PSMD6: variants seen among roughly 807,000 people sequenced by gnomAD.
The protein encoded by PSMD6 is 26S proteasome non-ATPase regulatory subunit 6.
A neutral mutation model predicts 44.9 loss-of-function variants in PSMD6; 7 were observed. The observed-to-expected ratio is 0.16, with a 90% CI of 0.09 to 0.29. The LOEUF is 0.29. Among genes scored for constraint, PSMD6 ranks in the 10% least tolerant of loss-of-function variants. The pLI is 1.00. For missense variants in PSMD6, 420 were observed against 482.6 expected, an observed-to-expected ratio of 0.87 and a Z score of 1.21; for synonymous variants, 184 against 172.7, an observed-to-expected ratio of 1.07 and a Z score of -0.51.
At position 64,022,417 on chromosome 3, in the gene PSMD6, C is replaced by G. The variant is rs756191966; in HGVS notation, c.252G>C (p.Leu84Phe). 18 of 1,614,108 alleles carry G rather than the reference C, an allele frequency of 1.1e-5. No homozygotes were observed. Among genetic ancestry groups the G allele is most frequent in the Admixed American group, 1.7e-5 (1 of 60,014 alleles). Residue 84 changes from leucine to phenylalanine, a missense_variant, in exon 2 of 8, where the codon TTG (leucine) becomes TTC (phenylalanine). Around this residue, in one of 4 missense-constraint regions of PSMD6, gnomAD observed 136 missense variants for 124.2 expected, o/e 1.09. Coordinates refer to ENST00000295901, the MANE Select transcript of PSMD6 (RefSeq NM_014814.3). ...KKANEDELKRLDEELEDAEKN... is the reference protein window; with the variant it reads ...KKANEDELKRFDEELEDAEKN... ...TCTCTGCATCTTCCAGCTCCTCATC[C>G]AAACGCTTCAACTCATCTTCATTTG...
intron 6 of PSMD6, chr3:64,012,384 A>C (rs2075972108): frequency 1.3e-5 from 2 of 151,796 alleles, no homozygotes; most frequent in Admixed American, 1.3e-4. Context: ...ACCCAACTCT[A>C]CTCTCACCAC....
At chr3:64,021,556 C>G (rs1158257316) in intron 2 of PSMD6, among the ~76,000 whole-genome samples, 1 of 152,154 alleles carries the variant, frequency 6.6e-6, no homozygotes, top group Non-Finnish European at 1.5e-5. Context: ...CGCCTATAAT[C>G]CCAGCACTTT....
rs1576041268 is a variant in PSMD6, at chr3:64,023,390, A to T, written c.30T>A (p.Gly10=). The change falls in exon 1 of 8, where the codon GGT becomes GGA. Residue 10 remains glycine (G), a synonymous_variant. Transcript: ENST00000295901. ...TACGCAAGTCGGGGTTCTTGGGCAG[A>T]CCCTCCTCCTCCAGGTTCTCCAGCG... MPLENLEEE[G]LPKNPDLRIA... 1 of 1,608,510 alleles carries T rather than the reference A, an allele frequency of 6.2e-7. No homozygotes were observed. Among genetic ancestry groups the T allele is most frequent in the East Asian group, 2.3e-5 (1 of 44,350 alleles).
rs536368069 is a variant in PSMD6, at chr3:64,013,381, C to G, written c.995+58G>C. On this transcript the variant is annotated intron_variant, in intron 6 of 7. Coordinates refer to ENST00000295901, the MANE Select transcript of PSMD6 (RefSeq NM_014814.3). ...AAACAAGTAAAAAATTGTACAAGTT[C>G]ACATATTTTAAAAGGCAACTTTAAA... 82 of 1,436,708 alleles carry G rather than the reference C, an allele frequency of 5.7e-5. No individual in the cohort carries two copies. The African/African-American group carries it at 1.1e-3, about 20-fold the overall frequency. The allele number at this position is 1,436,708 out of a possible 1,614,324, so 89.0% of individuals were successfully genotyped here. A position where few individuals can be genotyped will look rare whatever the true frequency, so the allele number is the denominator to read the frequency against.
At chr3:64,023,247 G>A (rs1371189648) in intron 1 of PSMD6, 28 bp downstream of exon 1, 17 of 1,543,314 alleles carry the variant, frequency 1.1e-5, no homozygotes, top group Non-Finnish European at 1.4e-5. Context: ...GGCCTAGGCC[G>A]CTGACTCGGC....
At position 64,018,707 on chromosome 3, in the gene PSMD6, C is replaced by T; in HGVS notation, c.718G>A (p.Val240Ile). The T allele has an allele frequency of 1.9e-6, 3 of 1,575,362 alleles. No individual in the cohort carries two copies. The highest frequency in any genetic ancestry group is 2.6e-6 in the Non-Finnish European group (3 of 1,151,270). ...ALERPDLREK[V>I]IKGAEILEVL... ...TCAAGAATCTCTGCTCCTTTAATGA[C>T]CTAGGTATTTTAAAAAACATATATA... The change falls in exon 5 of 8, where the codon GTC becomes ATC. Residue 240 changes from valine (V) to isoleucine (I), a missense_variant and splice_region_variant. Physicochemically the swap from Val to Ile is conservative, Grantham distance 29. This residue lies in a region of PSMD6 where 216 missense variants were observed against 227.0 expected (regional missense o/e 0.95). Coordinates refer to ENST00000295901, the MANE Select transcript of PSMD6 (RefSeq NM_014814.3).
chr3:64,015,054 C>G (rs537440308), intron 5 of PSMD6: 4 of 152,276 alleles, frequency 2.6e-5, no homozygotes, highest in Admixed American at 2.6e-4. Flanking sequence ...AGCAAGGGAA[C>G]ACATGATTTA....
rs2106880292 is a variant in PSMD6, at chr3:64,023,422, C to A, written c.-3G>T. ...TCCTCCAGGTTCTCCAGCGGCATCG[C>A]GGCGAAGGGGACAGCGGCTGACAGG... On this transcript the variant is annotated 5_prime_UTR_variant, in exon 1 of 8. Transcript: ENST00000295901. 5 of 1,595,852 alleles carry A rather than the reference C, an allele frequency of 3.1e-6. No homozygotes were observed. Among genetic ancestry groups the A allele is most frequent in the Non-Finnish European group, 4.3e-6 (5 of 1,168,420 alleles).
chr3:64,015,279 GAC>G (rs1186816724), intron 5 of PSMD6: 4 of 152,198 alleles, frequency 2.6e-5, no homozygotes, highest in African/African-American at 9.7e-5. Context: ...CAGTGGTCAA[GAC>G]ACAATATATT....
intron 2 of PSMD6, among the ~76,000 whole-genome samples, chr3:64,021,534 T>C (rs2106873724): frequency 6.6e-6 from 1 of 152,310 alleles, no homozygotes; most frequent in East Asian, 1.9e-4. Flanking sequence ...TATGACCGGG[T>C]GCACTGGCTC....
intron 6 of PSMD6, 190 bp downstream of exon 6, chr3:64,013,249 G>C (rs2075990473): frequency 8.0e-6 from 4 of 499,202 alleles, no homozygotes; most frequent in Non-Finnish European, 1.4e-5. Flanking sequence ...GTTAATGCAA[G>C]GGGCAGACAT....
At chr3:64,017,531 A>G (rs1199124153) in intron 5 of PSMD6, 1 of 152,258 alleles carries the variant, frequency 6.6e-6, no homozygotes, top group African/African-American at 2.4e-5. Flanking sequence ...CAAGCATAAA[A>G]AAGGGAAAAG....
At chr3:64,022,950 G>A in intron 1 of PSMD6, 1 of 1,433,954 alleles carries the variant, frequency 7.0e-7, no homozygotes, top group Non-Finnish European at 9.2e-7. Flanking sequence ...CCCCGCGCCC[G>A]GGAGCAGTCC....
At chr3:64,020,479 G>C (rs1354069929) in intron 2 of PSMD6, among the ~76,000 whole-genome samples, 2 of 152,128 alleles carry the variant, frequency 1.3e-5, no homozygotes, top group Non-Finnish European at 2.9e-5. Context: ...TGAATCAAAA[G>C]TTTCAAGTTT....
At chr3:64,015,082 G>A (rs1400781808) in intron 5 of PSMD6, 1 of 152,134 alleles carries the variant, frequency 6.6e-6, no homozygotes, top group Non-Finnish European at 1.5e-5. Flanking sequence ...GGAGATCAAT[G>A]GCCACTAACC....
At chr3:64,022,716 C>G (rs1192076337) in intron 1 of PSMD6, 193 bp from the exon 2 acceptor site, 1 of 1,536,638 alleles carries the variant, frequency 6.5e-7, no homozygotes, top group East Asian at 2.4e-5. Flanking sequence ...GTTTGCGTGA[C>G]GGCCAATCCT....
intron 5 of PSMD6, chr3:64,015,547 C>T (rs1444370209): frequency 6.6e-6 from 1 of 152,154 alleles, no homozygotes. Flanking sequence ...TGTTAGTACA[C>T]GATAGCCACT....
At position 64,023,269 on chromosome 3, in the gene PSMD6, C is replaced by A. The variant is rs970417030; in HGVS notation, c.145+6G>T. Reference sequence around the variant, plus strand: ...GCCGCTGACTCGGCGCTCGTGCGGGCCTCACTGTTATCGCGGACGGCCGCC... The same window carrying A: ...GCCGCTGACTCGGCGCTCGTGCGGGACTCACTGTTATCGCGGACGGCCGCC... On this transcript the variant is annotated splice_donor_region_variant and intron_variant, in intron 1 of 7. Transcript: ENST00000295901. 3 of 1,559,052 alleles carry A rather than the reference C, an allele frequency of 1.9e-6. No individual in the cohort carries two copies. The African/African-American group carries it at 4.1e-5, about 21-fold the overall frequency.
At chr3:64,023,974 C>A, upstream of PSMD6, 1 of 574,184 alleles carries the variant, frequency 1.7e-6, no homozygotes, top group South Asian at 3.3e-5. Context: ...AAATGAAAAC[C>A]CCTATCTAGA....
Sources: gnomAD v4.1 joint callset for allele counts (sites outside exome capture counted in the v4.1 genomes callset) on GRCh38, gnomAD v4.1.1 for gene constraint, gnomAD v4.1.1 regional missense constraint, MANE v1.5 for transcripts, NCBI Gene and HGNC (gene_info 2026-07-23, HGNC 2026-07-21) for gene names.